APOB: variants seen among roughly 807,000 people sequenced by gnomAD.
The protein encoded by APOB is apolipoprotein B.
Under a neutral mutation model 314.1 loss-of-function variants are expected in APOB, and 153 were observed. The ratio of observed to expected loss-of-function variants is 0.49; its 90% CI spans 0.43 to 0.56. APOB has a LOEUF of 0.56. APOB is among the 20% of genes least tolerant of loss of function. APOB has a pLI of 0.00. For missense variants in APOB, 5,430 were observed against 5,350.7 expected, an observed-to-expected ratio of 1.01 and a Z score of -0.46; for synonymous variants, 2,087 against 2,036.4, an observed-to-expected ratio of 1.02 and a Z score of -0.67.
chr2:21,017,116 AAC>A (rs1004944267), intron 20 of APOB, among the ~76,000 whole-genome samples: 2 of 152,088 alleles, frequency 1.3e-5, no homozygotes, highest in African/African-American at 4.8e-5. Flanking sequence ...CTTAAACAAA[AAC>A]ACAGTTCAGG....
Position 21,010,214 on chromosome 2 carries a change from G to A in APOB, c.6654C>T (p.Ile2218=). Residue 2218 remains isoleucine (I), a synonymous_variant, in exon 26 of 29, where the codon ATC becomes ATT. Transcript: ENST00000233242. The part of the protein sequence containing the change: ...KLKSLDEHYH[I]RVNLVKTIHD... ...GGATTGTTTTTACTAAATTTACACG[G>A]ATATGATAGTGCTCATCAAGACTTT... The A allele has an allele frequency of 6.3e-7, 1 of 1,585,416 alleles. No homozygotes were observed. Among genetic ancestry groups the A allele is most frequent in the South Asian group, 1.1e-5 (1 of 87,856 alleles).
Position 21,013,474 on chromosome 2 carries a change from G to C in APOB, c.3902C>G (p.Pro1301Arg). 6.2e-7 allele frequency: 1 copy of C among 1,614,172 alleles called. No individual in the cohort carries two copies. The highest frequency in any genetic ancestry group is 8.5e-7 in the Non-Finnish European group (1 of 1,180,022). The change falls in exon 25 of 29, where the codon CCT (proline) becomes CGT (arginine). Residue 1301 changes from proline (P) to arginine (R), a missense_variant. Transcript: ENST00000233242. ...KNSLKIEIPL[P>R]FGGKSSRDLK... ...ATCTCTGGAGGATTTGCCACCAAAA[G>C]GCAAAGGAATCTCAATTTTCAAACT...
chr2:21,030,475 A>G (rs771353683), intron 10 of APOB, among the ~76,000 whole-genome samples: 16 of 152,206 alleles, frequency 1.1e-4, no homozygotes, highest in Non-Finnish European at 1.9e-4. Flanking sequence ...AGACTTAAAT[A>G]TAAGACCTGA....
chr2:21,023,041 A>G lies in APOB; in HGVS notation c.2606T>C (p.Met869Thr), dbSNP rs1663653851. The G allele has an allele frequency of 1.2e-6, 2 of 1,613,898 alleles. No homozygotes were observed. Among genetic ancestry groups the G allele is most frequent in the East Asian group, 4.5e-5 (2 of 44,902 alleles). Reference protein sequence around the residue: ...KAGVKLEVANMQAELVAKPSV... With the variant: ...KAGVKLEVANTQAELVAKPSV... Reference sequence around the variant, plus strand: ...GGGTTTTGCCACCAGTTCAGCCTGCATCTATAAGTCAGAAAACAACCTATT... The same window carrying G: ...GGGTTTTGCCACCAGTTCAGCCTGCGTCTATAAGTCAGAAAACAACCTATT... The change falls in exon 18 of 29, where the codon ATG becomes ACG. Residue 869 changes from methionine to threonine, a missense_variant and splice_region_variant. By Grantham distance (81) the Met-to-Thr change is moderately conservative. Around this residue, in one of 3 missense-constraint regions of APOB, gnomAD observed 2,085 missense variants for 2,079.7 expected, o/e 1.00. Transcript: ENST00000233242.
Position 21,023,554 on chromosome 2 carries a change from T to C in APOB, c.2575A>G (p.Lys859Glu), listed in dbSNP as rs1210577949. 3.7e-6 allele frequency: 6 copies of C among 1,614,200 alleles called. No homozygotes were observed. Among genetic ancestry groups the C allele is most frequent in the Non-Finnish European group, 4.2e-6 (5 of 1,180,014 alleles). Residue 859 changes from lysine (K) to glutamate (E), a missense_variant, in exon 17 of 29, where the codon AAG becomes GAG. Lys to Glu is a moderately conservative substitution (Grantham distance 56). Coordinates refer to ENST00000233242, the MANE Select transcript of APOB (RefSeq NM_000384.3). ...GCTACTTCCAGTTTTACTCCAGCCT[T>C]GGCTCCGGGAGCAATGACTCCAGAT... ...SSSGVIAPGA[K>E]AGVKLEVANM...
chr2:21,007,147 C>T lies in APOB; in HGVS notation c.9721G>A (p.Glu3241Lys), dbSNP rs139245086. ...GGAATTTGAAAGGTCCTGGGGAGCTCGTCGTGAGATTTTTCAGCTTTGTAC... is the reference window on the plus strand; with the variant it reads ...GGAATTTGAAAGGTCCTGGGGAGCTTGTCGTGAGATTTTTCAGCTTTGTAC... Reference protein sequence around the residue: ...DKYKAEKSHDELPRTFQIPGY... With the variant: ...DKYKAEKSHDKLPRTFQIPGY... Residue 3241 changes from glutamate to lysine, a missense_variant, in exon 26 of 29, where the codon GAG becomes AAG. By Grantham distance (56) the Glu-to-Lys change is moderately conservative. Around this residue, in one of 3 missense-constraint regions of APOB, gnomAD observed 3,281 missense variants for 3,171.0 expected, o/e 1.03. Transcript: ENST00000233242. 57 of 1,613,766 alleles carry T rather than the reference C, an allele frequency of 3.5e-5. No individual in the cohort carries two copies. The highest frequency in any genetic ancestry group is 2.0e-5 in the Non-Finnish European group (24 of 1,179,938).
Position 21,008,324 on chromosome 2 carries a change from A to G in APOB, c.8544T>C (p.Asn2848=), listed in dbSNP as rs370969429. The change falls in exon 26 of 29, where the codon AAT becomes AAC. Residue 2848 remains asparagine (N), a synonymous_variant. Coordinates refer to ENST00000233242, the MANE Select transcript of APOB (RefSeq NM_000384.3). ...EHGSEMLFFG[N]AIEGKSNTVA... is the part of the protein sequence containing the mutation. Reference sequence around the variant, plus strand: ...CTGTGTTTGATTTTCCCTCAATAGCATTTCCAAAAAACAGCATTTCACTCC... The same window carrying G: ...CTGTGTTTGATTTTCCCTCAATAGCGTTTCCAAAAAACAGCATTTCACTCC... 5.6e-6 allele frequency: 9 copies of G among 1,612,876 alleles called. No homozygotes were observed. The highest frequency in any genetic ancestry group is 5.5e-5 in the South Asian group (5 of 91,046).
chr2:21,014,528 G>A lies in APOB; in HGVS notation c.3762C>T (p.His1254=). Residue 1254 remains histidine (H), a synonymous_variant, in exon 24 of 29, where the codon CAC becomes CAT. Transcript: ENST00000233242. ...SLPYTQTLQD[H]LNSLKEFNLQ... is the part of the protein sequence containing the mutation. ...GGTTGAACTCCTTCAGGCTATTGAG[G>A]TGGTCTTGCAAAGTCTGGGTATAAG... 4.3e-6 allele frequency: 7 copies of A among 1,614,130 alleles called. No individual in the cohort carries two copies. Among genetic ancestry groups the A allele is most frequent in the Non-Finnish European group, 5.9e-6 (7 of 1,180,018 alleles).
At position 21,008,558 on chromosome 2, in the gene APOB, T is replaced by C. The variant is rs748907999; in HGVS notation, c.8310A>G (p.Thr2770=). ...TCCCTATGTCAGCATTTGCATCTAATGTGAAAAGAGGAGATTGGATTTTCA... is the reference window on the plus strand; with the variant it reads ...TCCCTATGTCAGCATTTGCATCTAACGTGAAAAGAGGAGATTGGATTTTCA... ...SILKIQSPLF[T]LDANADIGNG... The change falls in exon 26 of 29, where the codon ACA becomes ACG. Residue 2770 remains threonine, a synonymous_variant. Coordinates refer to ENST00000233242, the MANE Select transcript of APOB (RefSeq NM_000384.3). 6.2e-7 allele frequency: 1 copy of C among 1,614,120 alleles called. No homozygotes were observed.
At chr2:21,039,560 A>T (rs546536121) in intron 4 of APOB, among the ~76,000 whole-genome samples, 11 of 152,370 alleles carry the variant, frequency 7.2e-5, no homozygotes, top group African/African-American at 2.6e-4. Flanking sequence ...AACACGAAGA[A>T]ATGATAAATG....
chr2:21,043,448 G>C (rs959527888), intron 2 of APOB, 65 bp downstream of exon 2: 1 of 1,549,098 alleles, frequency 6.5e-7, no homozygotes, highest in Non-Finnish European at 8.8e-7. Context: ...GGCCCTCAGG[G>C]ACCCGGGTGT....
chr2:21,011,389 G>A lies in APOB; in HGVS notation c.5479C>T (p.Leu1827=), dbSNP rs1371448732. 1 of 1,614,084 alleles carries A rather than the reference G, an allele frequency of 6.2e-7. No homozygotes were observed. Among genetic ancestry groups the A allele is most frequent in the South Asian group, 1.1e-5 (1 of 91,080 alleles). ...TCATTATTTTGGTAGGCTCCTTTTA[G>A]GTTACCAGCCACATGCAGCTTCAGG... The part of the protein sequence containing the change: ...EPLKLHVAGN[L]KGAYQNNEIK... Residue 1827 remains leucine (L), a synonymous_variant, in exon 26 of 29, where the codon CTA becomes TTA. Coordinates refer to ENST00000233242, the MANE Select transcript of APOB (RefSeq NM_000384.3).
chr2:21,033,211 TC>T, intron 9 of APOB, 87 bp downstream of exon 9: 2 of 954,910 alleles, frequency 2.1e-6, no homozygotes, highest in East Asian at 4.8e-5. Context: ...ATCCAAATGG[TC>T]CCTGAGATTC....
intron 27 of APOB, 33 bp downstream of exon 27, chr2:21,004,528 G>C: frequency 6.8e-6 from 11 of 1,611,952 alleles, no homozygotes; most frequent in Non-Finnish European, 9.3e-6. Flanking sequence ...TTTTCAAAAG[G>C]TATAAGGTTT....
At chr2:21,032,712 A>T in intron 9 of APOB, 131 bp from the exon 10 acceptor site, 1 of 741,836 alleles carries the variant, frequency 1.3e-6, no homozygotes, top group Non-Finnish European at 2.4e-6. Flanking sequence ...TTCAAAACCC[A>T]ACTTGGAGCT....
chr2:21,002,506 T>C lies in APOB; in HGVS notation c.12916A>G (p.Ile4306Val), dbSNP rs2103347235. ...ATGTTATCTTCTATTAGTTGGAAAA[T>C]GAATTGTAAAAGGTCCTGAAGATTA... ...LRNLQDLLQF[I>V]FQLIEDNIKQ... Residue 4306 changes from isoleucine to valine, a missense_variant, in exon 29 of 29, where the codon ATT (isoleucine) becomes GTT (valine). Ile to Val is a conservative substitution (Grantham distance 29). Coordinates refer to ENST00000233242, the MANE Select transcript of APOB (RefSeq NM_000384.3). 1.9e-6 allele frequency: 3 copies of C among 1,613,108 alleles called. No homozygotes were observed. The highest frequency in any genetic ancestry group is 2.5e-6 in the Non-Finnish European group (3 of 1,179,246).
At chr2:21,030,968 A>G (rs1663863091) in intron 10 of APOB, among the ~76,000 whole-genome samples, 1 of 152,234 alleles carries the variant, frequency 6.6e-6, no homozygotes, top group African/African-American at 2.4e-5. Context: ...GTTGGTGAGG[A>G]TACAGAGAAA....
intron 6 of APOB, among the ~76,000 whole-genome samples, chr2:21,036,853 G>C (rs936635493): frequency 2.6e-4 from 39 of 152,158 alleles, no homozygotes; most frequent in Admixed American, 5.2e-4. Context: ...AGTGACAGAA[G>C]GACAGGAGGA....
chr2:21,037,454 G>A (rs901426803), intron 5 of APOB, among the ~76,000 whole-genome samples, 199 bp from the exon 6 acceptor site: 6 of 152,154 alleles, frequency 3.9e-5, no homozygotes, highest in Admixed American at 1.3e-4. Flanking sequence ...ACCAGTTAAA[G>A]GTGGGTCTGC....
Sources: allele counts gnomAD v4.1 joint callset (sites outside exome capture counted in the v4.1 genomes callset), GRCh38; gene constraint gnomAD v4.1.1; regional missense constraint gnomAD v4.1.1; transcripts MANE v1.5; gene names NCBI Gene and HGNC (gene_info 2026-07-23, HGNC 2026-07-21).